Variants in BPTF observed in about 807,000 individuals in gnomAD.
BPTF encodes the protein bromodomain PHD finger transcription factor, also known as nucleosome-remodeling factor subunit BPTF.
A neutral mutation model predicts 292.5 loss-of-function variants in BPTF; 18 were observed. The ratio of observed to expected loss-of-function variants is 0.06; its 90% CI spans 0.04 to 0.09. BPTF has a LOEUF of 0.09. Ranked by LOEUF, BPTF falls within the 10% of genes least tolerant of loss-of-function variation. The pLI is 1.00. For missense variants in BPTF, 2,726 were observed against 3,498.7 expected (o/e 0.78, Z 5.57); for synonymous variants, 1,225 against 1,251.9 (o/e 0.98, Z 0.45).
intron 2 of BPTF, among the ~76,000 whole-genome samples, chr17:67,865,039 C>T (rs772066206): frequency 6.6e-6 from 1 of 152,104 alleles, no homozygotes. Context: ...ATCTCCTGAC[C>T]TTGTGATCCG....
At position 67,920,077 on chromosome 17, in the gene BPTF, G is replaced by A; in HGVS notation, c.5491G>A (p.Gly1831Ser). The change falls in exon 13 of 28, where the codon GGC (glycine) becomes AGC (serine). Residue 1831 changes from glycine (G) to serine (S), a missense_variant. Gly to Ser is a moderately conservative substitution (Grantham distance 56). Coordinates refer to ENST00000306378, the MANE Select transcript of BPTF (RefSeq NM_182641.4). ...TAAGAGGAGAGATGTTGGTCCTTAT[G>A]GCATTCGATCTGAATATTGTATCAG... is the stretch of plus-strand genomic sequence containing the variant. ...IIKRRDVGPY[G>S]IRSEYCIRKI... is the part of the protein sequence containing the mutation. 6.2e-7 allele frequency: 1 copy of A among 1,611,694 alleles called. No homozygotes were observed. The highest frequency in any genetic ancestry group is 1.1e-5 in the South Asian group (1 of 91,022).
chr17:67,922,222 T>C (rs1402203369), intron 13 of BPTF, among the ~76,000 whole-genome samples: 1 of 152,218 alleles, frequency 6.6e-6, no homozygotes, highest in East Asian at 1.9e-4. Flanking sequence ...AGGTCCTGCT[T>C]TCATTTCTGT....
rs778695024 is a variant in BPTF, at chr17:67,912,088, A to G, written c.4204A>G (p.Thr1402Ala). The part of the protein sequence containing the change: ...NRESEKKGQR[T>A]STFQINGKDN... ...AGAGTCTGAAAAGAAAGGACAGAGA[A>G]CAAGTACATTTCAAATAAATGGAAA... The change falls in exon 11 of 28, where the codon ACA (threonine) becomes GCA (alanine). Residue 1402 changes from threonine (T) to alanine (A), a missense_variant. Coordinates refer to ENST00000306378, the MANE Select transcript of BPTF (RefSeq NM_182641.4). 9 of 1,608,728 alleles carry G rather than the reference A, an allele frequency of 5.6e-6. No individual in the cohort carries two copies. In the South Asian group the frequency reaches 1.0e-4, roughly 18 times the overall value.
intron 23 of BPTF, among the ~76,000 whole-genome samples, chr17:67,953,575 A>T (rs1453249946): frequency 6.7e-5 from 9 of 133,966 alleles, no homozygotes; most frequent in African/African-American, 1.1e-4. Context: ...TTGTTCTATA[A>T]TTTTTTTTTT....
chr17:67,920,120 T>C lies in BPTF; in HGVS notation c.5534T>C (p.Ile1845Thr), dbSNP rs1433824461. ...TGTATCAGGAAAATCATTTGTCCCATTGGAGTTCCAGAAACACCAAAAGGT... is the reference window on the plus strand; with the variant it reads ...TGTATCAGGAAAATCATTTGTCCCACTGGAGTTCCAGAAACACCAAAAGGT... ...EYCIRKIICP[I>T]GVPETPKETP... is the part of the protein sequence containing the mutation. Residue 1845 changes from isoleucine (I) to threonine (T), a missense_variant, in exon 13 of 28, where the codon ATT (isoleucine) becomes ACT (threonine). By Grantham distance (89) the Ile-to-Thr change is moderately conservative (BLOSUM62 -1). Transcript: ENST00000306378. 6 of 1,612,584 alleles carry C rather than the reference T, an allele frequency of 3.7e-6. No homozygotes were observed. The highest frequency in any genetic ancestry group is 2.2e-5 in the South Asian group (2 of 90,978).
intron 5 of BPTF, among the ~76,000 whole-genome samples, chr17:67,892,253 A>G (rs1404399998): frequency 6.6e-6 from 1 of 152,270 alleles, no homozygotes; most frequent in Non-Finnish European, 1.5e-5. Context: ...TAAAAATGCT[A>G]TAAATGGCTG....
intron 17 of BPTF, 134 bp from the exon 18 acceptor site, chr17:67,931,777 A>G (rs1431459402): frequency 1.2e-5 from 7 of 580,448 alleles, no homozygotes; most frequent in African/African-American, 1.2e-4. Context: ...TTTAAAATGT[A>G]ATGTTCAAGA....
Position 67,854,493 on chromosome 17 carries a change from T to C in BPTF, c.1167T>C (p.Tyr389=), listed in dbSNP as rs759753871. ...EELMSEGVIQ[Y]DDHCRVCHKL... ...TGATGTCTGAAGGGGTGATACAGTA[T>C]GATGACCATTGTAGGGTTTGTCACA... is the stretch of plus-strand genomic sequence containing the variant. The change falls in exon 2 of 28, where the codon TAT becomes TAC. Residue 389 remains tyrosine (Y), a synonymous_variant. Transcript: ENST00000306378. This position sits in a 1 kb window ranked among gnomAD's most constrained non-coding sequence, Gnocchi z 5.6. 1 of 1,614,234 alleles carries C rather than the reference T, an allele frequency of 6.2e-7. No individual in the cohort carries two copies. The highest frequency in any genetic ancestry group is 2.2e-5 in the East Asian group (1 of 44,890).
chr17:67,966,419 A>G, intron 25 of BPTF, 153 bp from the exon 26 acceptor site: 1 of 548,056 alleles, frequency 1.8e-6, no homozygotes, highest in Non-Finnish European at 3.1e-6. Flanking sequence ...ATCTTAGGTA[A>G]CTATTACTAG....
chr17:67,927,229 CATCTT>C (rs2063993728), intron 15 of BPTF, among the ~76,000 whole-genome samples: 1 of 152,168 alleles, frequency 6.6e-6, no homozygotes, highest in South Asian at 2.1e-4. Context: ...TCCGTTTCCT[CATCTT>C]ATAAGATAAT....
intron 4 of BPTF, chr17:67,886,111 A>G (rs2060733456): frequency 1.3e-6 from 2 of 1,509,356 alleles, no homozygotes; most frequent in Admixed American, 2.0e-5. Context: ...TAAAAATCAG[A>G]TATTCTATTT....
At position 67,939,794 on chromosome 17, in the gene BPTF, C is replaced by T. The variant is rs959517930; in HGVS notation, c.6260-645C>T. Among the ~76,000 whole-genome samples, 62 of 152,162 alleles carry T rather than the reference C, an allele frequency of 4.1e-4. 1 individual carries two copies. Among genetic ancestry groups the T allele is most frequent in the African/African-American group, 1.4e-3 (58 of 41,442 alleles). Reference sequence around the variant, plus strand: ...ACTCGGGAGGCTCAGGCAGGAGAATCGCTTGAACCCAGGAGGCAGAGGTTG... The same window carrying T: ...ACTCGGGAGGCTCAGGCAGGAGAATTGCTTGAACCCAGGAGGCAGAGGTTG... On this transcript the variant is annotated intron_variant, in intron 18 of 27. Transcript: ENST00000306378.
At chr17:67,924,659 A>G in intron 15 of BPTF, 70 bp downstream of exon 15, 1 of 1,542,376 alleles carries the variant, frequency 6.5e-7, no homozygotes, top group South Asian at 1.2e-5. Context: ...AAAGCACTTG[A>G]CCTCCCATCA....
intron 23 of BPTF, chr17:67,956,263 G>A (rs2148208857): frequency 6.8e-6 from 1 of 147,080 alleles, no homozygotes; most frequent in Admixed American, 7.0e-5. Context: ...AGCTTGCAGT[G>A]AGCCGAGATT....
rs569786736 is a variant in BPTF at position 67,915,787 on chromosome 17, T to G, written c.5303+2600T>G. On this transcript the variant is annotated intron_variant, in intron 11 of 27. Transcript: ENST00000306378. ...TTGTCCTTTCCTCTCTTACAGCTCC[T>G]TGAGAACACAGACAGATTCTAGTTT... Among the ~76,000 whole-genome samples, 56 of 152,302 alleles carry G rather than the reference T, an allele frequency of 3.7e-4. 1 individual carries two copies. Among genetic ancestry groups the G allele is most frequent in the African/African-American group, 1.3e-3 (53 of 41,564 alleles).
Position 67,982,387 on chromosome 17 carries a change from C to T in BPTF, c.*99C>T, listed in dbSNP as rs186801810. 1.6e-5 allele frequency: 18 copies of T among 1,155,588 alleles called. 1 individual carries two copies. In the South Asian group the frequency reaches 2.2e-4, roughly 14 times the overall value. The allele number at this position is 1,155,588 out of a possible 1,614,324, so 71.6% of individuals were successfully genotyped here. A position where few individuals can be genotyped will look rare whatever the true frequency, so the allele number is the denominator to read the frequency against. On this transcript the variant is annotated 3_prime_UTR_variant, in exon 28 of 28. Coordinates refer to ENST00000306378, the MANE Select transcript of BPTF (RefSeq NM_182641.4). ...GATGTTTTTAGTCAGGCTATCCTGACAAGACTTGACCTAAACTTCGTTTTT... is the reference window on the plus strand; with the variant it reads ...GATGTTTTTAGTCAGGCTATCCTGATAAGACTTGACCTAAACTTCGTTTTT...
At position 67,854,828 on chromosome 17, in the gene BPTF, T is replaced by C; in HGVS notation, c.1436+66T>C. On this transcript the variant is annotated intron_variant, in intron 2 of 27. Transcript: ENST00000306378. The surrounding 1 kb of genome is among the most constrained non-coding windows in gnomAD (Gnocchi z 5.6). ...TTAGACTAGTTTCCTTCGTGATTGA[T>C]GTAGCAGAGCTATGCTGTTGATGTG... The C allele has an allele frequency of 8.7e-7, 1 of 1,148,240 alleles. No homozygotes were observed. Among genetic ancestry groups the C allele is most frequent in the Non-Finnish European group, 1.3e-6 (1 of 791,742 alleles). The allele number at this position is 1,148,240 out of a possible 1,614,324, so 71.1% of individuals were successfully genotyped here.
chr17:67,951,411 AGAG>A (rs1487386038), intron 23 of BPTF: 2 of 152,214 alleles, frequency 1.3e-5, no homozygotes, highest in Admixed American at 1.3e-4. Context: ...AGGACCACAA[AGAG>A]GAGATTGGTC....
intron 7 of BPTF, among the ~76,000 whole-genome samples, chr17:67,901,969 C>G (rs922767755): frequency 1.3e-5 from 2 of 152,218 alleles, no homozygotes; most frequent in Non-Finnish European, 2.9e-5. Context: ...CCACAAAACC[C>G]TGAGCACCAG....
Sources: gnomAD v4.1 joint callset for allele counts (sites outside exome capture counted in the v4.1 genomes callset) on GRCh38, gnomAD v4.1.1 for gene constraint, Gnocchi (gnomAD v3.1) non-coding constraint, MANE v1.5 for transcripts, NCBI Gene and HGNC (gene_info 2026-07-23, HGNC 2026-07-21) for gene names.